The following AHCY variants were observed in gnomAD, a reference collection of about 807,000 sequenced individuals.
AHCY encodes adenosylhomocysteinase, also known as S-adenosyl-L-homocysteine hydrolase.
AHCY carries 24 observed loss-of-function variants against 45.4 expected under a neutral mutation model. The ratio of observed to expected loss-of-function variants is 0.53; its 90% CI spans 0.38 to 0.74. The LOEUF (loss-of-function observed/expected upper bound fraction) is 0.74. Ranked by LOEUF, AHCY falls within the 30% of genes least tolerant of loss-of-function variation. The pLI is 0.00. For missense variants in AHCY, 449 were observed against 594.1 expected (o/e 0.76, Z 2.54); for synonymous variants, 245 against 235.1 (o/e 1.04, Z -0.39).
Position 34,291,405 on chromosome 20 carries a change from G to C in AHCY, c.558+14C>G, listed in dbSNP as rs1300024414. The C allele has an allele frequency of 6.2e-7, 1 of 1,608,442 alleles. No individual in the cohort carries two copies. Among genetic ancestry groups the C allele is most frequent in the Admixed American group, 1.7e-5 (1 of 60,008 alleles). On this transcript the variant is annotated intron_variant, in intron 5 of 9. Transcript: ENST00000217426. ...AGCCACTGTAGCGGGAGCTGTCACT[G>C]CCCCTCGGCTCACCTTGGTGACGGA...
the AHCY span, among the ~76,000 whole-genome samples, chr20:34,245,204 G>T: frequency 6.6e-6 from 1 of 150,854 alleles, no homozygotes; most frequent in Non-Finnish European, 1.5e-5. Context: ...CGTGGTGGCA[G>T]GCGCCTGTAA....
At chr20:34,302,407 A>C (rs1022258802) in intron 1 of AHCY, 1 of 170,332 alleles carries the variant, frequency 5.9e-6, no homozygotes, top group African/African-American at 2.4e-5. Flanking sequence ...CAGTGGTGAA[A>C]GGGTGCGCTC....
chr20:34,253,428 C>T, the AHCY span, among the ~76,000 whole-genome samples: 10 of 136,428 alleles, frequency 7.3e-5, no homozygotes, highest in East Asian at 4.0e-4. Flanking sequence ...CTTTTCCCTA[C>T]GCTCTTATTT....
chr20:34,247,696 T>C, the AHCY span, among the ~76,000 whole-genome samples: 1 of 150,762 alleles, frequency 6.6e-6, no homozygotes, highest in African/African-American at 2.4e-5. Context: ...GCAGCCTTGA[T>C]CTCCTAGACT....
chr20:34,295,688 T>C (rs557954377), intron 1 of AHCY, 103 bp from the exon 2 acceptor site: 20 of 1,182,728 alleles, frequency 1.7e-5, no homozygotes, highest in Non-Finnish European at 2.3e-5. Flanking sequence ...CTCAACACAC[T>C]AGGGCTTAGC....
the AHCY span, among the ~76,000 whole-genome samples, chr20:34,255,405 C>T: frequency 9.9e-5 from 15 of 152,094 alleles, no homozygotes; most frequent in Non-Finnish European, 1.9e-4. Context: ...AATCCTCCCT[C>T]CCACCTCACC....
chr20:34,293,289 A>T lies in AHCY; in HGVS notation c.296-782T>A, dbSNP rs532294008. Among the ~76,000 whole-genome samples, 21 of 152,206 alleles carry T rather than the reference A, an allele frequency of 1.4e-4. No homozygotes were observed. The East Asian group carries it at 4.1e-3, about 29-fold the overall frequency. ...GCCCACACTCCTCCCATGTGGCATG[A>T]CTAGGGCACAGGTGTGGGGTTCCCA... On this transcript the variant is annotated intron_variant, in intron 3 of 9. Transcript: ENST00000217426.
the AHCY span, among the ~76,000 whole-genome samples, chr20:34,241,942 CAG>C: frequency 6.6e-6 from 1 of 152,138 alleles, no homozygotes; most frequent in Admixed American, 6.5e-5. Flanking sequence ...AGAGATGAAA[CAG>C]ATGACCAAAA....
chr20:34,260,457 A>T, the AHCY span: 5 of 1,614,106 alleles, frequency 3.1e-6, no homozygotes, highest in East Asian at 1.1e-4. Context: ...CCACCTGAGG[A>T]GAAGCTCCGA....
intron 9 of AHCY, among the ~76,000 whole-genome samples, chr20:34,284,666 C>G (rs1459808966): frequency 6.6e-6 from 1 of 151,944 alleles, no homozygotes; most frequent in Non-Finnish European, 1.5e-5. Flanking sequence ...ACTAAAAATA[C>G]AAAAAAATTA....
chr20:34,258,911 T>C, the AHCY span, among the ~76,000 whole-genome samples: 5 of 129,536 alleles, frequency 3.9e-5, no homozygotes, highest in African/African-American at 1.3e-4. Context: ...TATATATATA[T>C]ACACACATAC....
chr20:34,281,502 C>G, intron 9 of AHCY: 4 of 372,294 alleles, frequency 1.1e-5, no homozygotes, highest in South Asian at 8.8e-5. Flanking sequence ...CAGGCAGAGA[C>G]AAGGTGCTCC....
At chr20:34,285,679 C>T (rs1210823370) in intron 8 of AHCY, 45 bp from the exon 9 acceptor site, 4 of 1,601,034 alleles carry the variant, frequency 2.5e-6, no homozygotes, top group African/African-American at 2.7e-5. Flanking sequence ...GGGCCCCGCT[C>T]CCACAGCCCA....
the AHCY span, among the ~76,000 whole-genome samples, chr20:34,247,910 A>G: frequency 6.6e-6 from 1 of 151,966 alleles, no homozygotes; most frequent in Non-Finnish European, 1.5e-5. Flanking sequence ...TATGACTTTT[A>G]AATTGCCCCT....
the AHCY span, among the ~76,000 whole-genome samples, chr20:34,234,574 G>A: frequency 4.7e-5 from 7 of 150,392 alleles, no homozygotes; most frequent in African/African-American, 1.2e-4. Flanking sequence ...TGTATATGAC[G>A]GACTGCATAT....
At chr20:34,309,036 T>A (rs1205144928) in intron 1 of AHCY, among the ~76,000 whole-genome samples, 2 of 146,324 alleles carry the variant, frequency 1.4e-5, no homozygotes, top group Non-Finnish European at 3.0e-5. Context: ...CTCAGCTCAC[T>A]GCAACCTCCG....
At chr20:34,269,264 G>C in the AHCY span, 1 of 1,383,590 alleles carries the variant, frequency 7.2e-7, no homozygotes, top group Non-Finnish European at 9.4e-7. Context: ...CAGGGCTGCA[G>C]GCGGGCGGAG....
chr20:34,272,701 A>G, the AHCY span, among the ~76,000 whole-genome samples: 1 of 152,176 alleles, frequency 6.6e-6, no homozygotes, highest in African/African-American at 2.4e-5. Flanking sequence ...AGCTTGGTCA[A>G]CAGAGTGAGA....
At chr20:34,309,045 C>T (rs910698148) in intron 1 of AHCY, among the ~76,000 whole-genome samples, 1 of 150,496 alleles carries the variant, frequency 6.6e-6, no homozygotes, top group South Asian at 2.1e-4. Context: ...CTGCAACCTC[C>T]GCCTCCTGAG....
Sources: allele counts gnomAD v4.1 joint callset (sites outside exome capture counted in the v4.1 genomes callset), GRCh38; gene constraint gnomAD v4.1.1; transcripts MANE v1.5; gene names NCBI Gene and HGNC (gene_info 2026-07-23, HGNC 2026-07-21).